Variants in DOCK3 observed in about 807,000 individuals in gnomAD.
DOCK3 encodes dedicator of cytokinesis 3.
In DOCK3, 60 loss-of-function variants were observed where a neutral mutation model predicts 265.6. The ratio of observed to expected loss-of-function variants is 0.23; its 90% CI spans 0.18 to 0.28. The LOEUF (loss-of-function observed/expected upper bound fraction) is 0.28. Ranked by LOEUF, DOCK3 falls within the 10% of genes least tolerant of loss-of-function variation. The pLI, the probability that DOCK3 is intolerant of heterozygous loss-of-function variation, is 1.00. For missense variants in DOCK3, 1,981 were observed against 2,594.3 expected, an observed-to-expected ratio of 0.76 and a Z score of 5.14; for synonymous variants, 881 against 938.0, an observed-to-expected ratio of 0.94 and a Z score of 1.11.
At chr3:50,975,198 A>C (rs1290962262) in intron 5 of DOCK3, among the ~76,000 whole-genome samples, 1 of 146,876 alleles carries the variant, frequency 6.8e-6, no homozygotes, top group African/African-American at 2.5e-5. Flanking sequence ...GTGGTGAGAG[A>C]GGGCATCCCT....
chr3:50,782,289 ATTTT>A (rs71084112), intron 2 of DOCK3, among the ~76,000 whole-genome samples: 1 of 110,044 alleles, frequency 9.1e-6, no homozygotes, highest in Non-Finnish European at 1.7e-5. Context: ...AGTACCTGTT[ATTTT>A]TTTTTTTTTT....
intron 4 of DOCK3, among the ~76,000 whole-genome samples, chr3:50,914,261 T>A (rs35122553): frequency 0.094 from 14,298 of 151,930 alleles, 843 homozygotes; most frequent in Non-Finnish European, 0.12. Context: ...CATCTAATTA[T>A]TTACATTCAT....
chr3:50,993,044 TC>T (rs1312013465), intron 5 of DOCK3, among the ~76,000 whole-genome samples: 3 of 152,216 alleles, frequency 2.0e-5, no homozygotes, highest in Non-Finnish European at 2.9e-5. Flanking sequence ...TTTAGGGACA[TC>T]CCTCTTTAGC....
intron 37 of DOCK3, 90 bp downstream of exon 37, chr3:51,339,118 C>T (rs1576857809): frequency 3.6e-6 from 4 of 1,113,082 alleles, no homozygotes; most frequent in Non-Finnish European, 5.0e-6. Context: ...CAGGCTGGTG[C>T]CTGCCAGATC....
rs2086736389 is a variant in DOCK3 at position 51,361,605 on chromosome 3, A to ATGCAAACTGC, written c.5007-253_5007-252insGCAAACTGCT. On this transcript the variant is annotated intron_variant, in intron 47 of 52. Coordinates refer to ENST00000266037, the MANE Select transcript of DOCK3 (RefSeq NM_004947.5). This position sits in a 1 kb window ranked among gnomAD's most constrained non-coding sequence, Gnocchi z 4.2. ...GCTAATGTCATGCAACTGAGTGGCC[A>ATGCAAACTGC]TAAGCCATGTAGCTGTAGGTAGAGG... is the stretch of plus-strand genomic sequence containing the variant. 6.6e-6 allele frequency among the ~76,000 whole-genome samples: 1 copy of ATGCAAACTGC among 152,184 alleles called. No individual in the cohort carries two copies. The highest frequency in any genetic ancestry group is 1.5e-5 in the Non-Finnish European group (1 of 68,018).
intron 3 of DOCK3, among the ~76,000 whole-genome samples, chr3:50,881,884 A>G (rs2048049817): frequency 6.6e-6 from 1 of 152,202 alleles, no homozygotes; most frequent in Non-Finnish European, 1.5e-5. Flanking sequence ...GTCTACAGTA[A>G]CCAACACAGC....
At chr3:51,218,270 A>G (rs946259145) in intron 14 of DOCK3, among the ~76,000 whole-genome samples, 1 of 151,844 alleles carries the variant, frequency 6.6e-6, no homozygotes, top group Non-Finnish European at 1.5e-5. Context: ...CCCATCTCTA[A>G]AAAAAATGCA....
chr3:51,094,084 A>C (rs2082734836), intron 9 of DOCK3, among the ~76,000 whole-genome samples: 1 of 152,172 alleles, frequency 6.6e-6, no homozygotes, highest in South Asian at 2.1e-4. Flanking sequence ...TATTTTATTG[A>C]AGATTTTTGC....
At chr3:51,364,402 G>A (rs536411213) in intron 49 of DOCK3, among the ~76,000 whole-genome samples, 1 of 152,266 alleles carries the variant, frequency 6.6e-6, no homozygotes, top group African/African-American at 2.4e-5. Context: ...TTTGTCAGAT[G>A]GGTAGATTGT....
chr3:50,826,372 C>T (rs772891441), intron 2 of DOCK3, among the ~76,000 whole-genome samples: 6 of 152,158 alleles, frequency 3.9e-5, no homozygotes, highest in Admixed American at 1.3e-4. Context: ...CTTTACCCCA[C>T]TTGATACTCT....
intron 9 of DOCK3, among the ~76,000 whole-genome samples, chr3:51,101,737 C>G (rs1032111776): frequency 6.6e-6 from 1 of 152,124 alleles, no homozygotes; most frequent in Non-Finnish European, 1.5e-5. Flanking sequence ...AGCATTAAAT[C>G]TATAGTTGCA....
chr3:51,102,597 T>A (rs1436282369), intron 9 of DOCK3, among the ~76,000 whole-genome samples: 2 of 152,220 alleles, frequency 1.3e-5, no homozygotes, highest in Non-Finnish European at 2.9e-5. Flanking sequence ...GTGGCTGTTG[T>A]TAGGGTAACT....
intron 9 of DOCK3, among the ~76,000 whole-genome samples, chr3:51,096,146 T>C (rs891058708): frequency 6.6e-6 from 1 of 152,130 alleles, no homozygotes. Flanking sequence ...ATCTTTGTGG[T>C]GTTCTCTATA....
intron 1 of DOCK3, among the ~76,000 whole-genome samples, chr3:50,699,834 T>C (rs573644464): frequency 6.6e-6 from 1 of 152,330 alleles, no homozygotes; most frequent in Admixed American, 6.5e-5. Flanking sequence ...CTATTTTTTC[T>C]TTTTCTTTTT....
chr3:50,831,563 C>T (rs542149327), intron 2 of DOCK3, among the ~76,000 whole-genome samples: 52 of 152,182 alleles, frequency 3.4e-4, no homozygotes, highest in African/African-American at 1.3e-3. Context: ...GTGAACTCAT[C>T]CTTTTATAGG....
intron 21 of DOCK3, 142 bp from the exon 22 acceptor site, chr3:51,246,584 C>A: frequency 1.4e-6 from 1 of 732,492 alleles, no homozygotes; most frequent in South Asian, 1.8e-5. Flanking sequence ...CTGAATAGTC[C>A]AAAGCTGTAA....
intron 5 of DOCK3, among the ~76,000 whole-genome samples, chr3:51,042,514 TC>T (rs1339188632): frequency 6.6e-6 from 1 of 152,070 alleles, no homozygotes; most frequent in East Asian, 1.9e-4. Context: ...CTGGAAGCAT[TC>T]CCCTTGAAAA....
rs2080009035 is a variant in DOCK3 at position 51,030,576 on chromosome 3, C to G, written c.316-33872C>G. 2.0e-5 allele frequency among the ~76,000 whole-genome samples: 3 copies of G among 152,108 alleles called. 1 individual carries two copies. In the South Asian group the frequency reaches 6.2e-4, roughly 32 times the overall value. On this transcript the variant is annotated intron_variant, in intron 5 of 52. Transcript: ENST00000266037. ...GTGTTGTTTACCTTCTTGTCAAGTT[C>G]TGGATCCAATTTTTGTCTCCAAAAC...
chr3:50,732,370 A>G lies in DOCK3; in HGVS notation c.38-46305A>G, dbSNP rs999479464. Reference sequence around the variant, plus strand: ...AAACCACCATAGCACATGTTTACCTATGTAACAAACCTGCACATCCTGCAC... The same window carrying G: ...AAACCACCATAGCACATGTTTACCTGTGTAACAAACCTGCACATCCTGCAC... On this transcript the variant is annotated intron_variant, in intron 1 of 52. Coordinates refer to ENST00000266037, the MANE Select transcript of DOCK3 (RefSeq NM_004947.5). Among the ~76,000 whole-genome samples the G allele has an allele frequency of 3.9e-5, 6 of 152,004 alleles. No homozygotes were observed. In the East Asian group the frequency reaches 5.8e-4, roughly 15 times the overall value.
Sources: gnomAD v4.1 joint callset for allele counts (sites outside exome capture counted in the v4.1 genomes callset) on GRCh38, gnomAD v4.1.1 for gene constraint, Gnocchi (gnomAD v3.1) non-coding constraint, MANE v1.5 for transcripts, NCBI Gene and HGNC (gene_info 2026-07-23, HGNC 2026-07-21) for gene names.